GMPS: variants seen among roughly 807,000 people sequenced by gnomAD.
GMPS encodes the protein guanosine monophosphate synthase.
A neutral mutation model predicts 77.9 loss-of-function variants in GMPS; 15 were observed. The observed-to-expected ratio is 0.19, with a 90% CI of 0.13 to 0.30. GMPS has a LOEUF of 0.30. Ranked by LOEUF, GMPS falls within the 10% of genes least tolerant of loss-of-function variation. The pLI is 1.00. For missense variants in GMPS, 590 were observed against 838.8 expected, an observed-to-expected ratio of 0.70 and a Z score of 3.66; for synonymous variants, 224 against 275.9, an observed-to-expected ratio of 0.81 and a Z score of 1.86.
intron 12 of GMPS, among the ~76,000 whole-genome samples, chr3:155,928,884 G>C (rs201832009): frequency 4.9e-4 from 73 of 147,910 alleles, no homozygotes; most frequent in East Asian, 1.0e-3. Context: ...TTTTATGGCT[G>C]CATAGTATTC....
Position 155,940,736 on chromosome 3 carries a change from T to A in GMPS, c.*3044T>A. ...CAGGAGACAGAATGGAGAAGCTGGATAGTGTTTTTTTTTTTTTTTTTTAAG... is the reference window on the plus strand; with the variant it reads ...CAGGAGACAGAATGGAGAAGCTGGAAAGTGTTTTTTTTTTTTTTTTTTAAG... On this transcript the variant is annotated 3_prime_UTR_variant, in exon 16 of 16. Transcript: ENST00000496455. 1 of 188,448 alleles carries A rather than the reference T, an allele frequency of 5.3e-6. No individual in the cohort carries two copies. The highest frequency in any genetic ancestry group is 9.9e-6 in the Non-Finnish European group (1 of 101,454). The allele number at this position is 188,448 out of a possible 1,614,324, so 11.7% of individuals were successfully genotyped here.
intron 3 of GMPS, among the ~76,000 whole-genome samples, chr3:155,899,194 C>A (rs1754672459): frequency 6.6e-6 from 1 of 151,954 alleles, no homozygotes; most frequent in Non-Finnish European, 1.5e-5. Context: ...ATGGAGAAAC[C>A]CCCGTCTCTA....
At chr3:155,893,730 G>C (rs1754529262) in intron 2 of GMPS, 31 bp downstream of exon 2, 1 of 1,263,616 alleles carries the variant, frequency 7.9e-7, no homozygotes, top group African/African-American at 1.5e-5. Flanking sequence ...TTCATGAGGA[G>C]ATTGAACTTA....
At chr3:155,926,594 TAAA>T (rs895601406) in intron 12 of GMPS, among the ~76,000 whole-genome samples, 1 of 150,208 alleles carries the variant, frequency 6.7e-6, no homozygotes, top group African/African-American at 2.5e-5. Context: ...AAATAAAAAA[TAAA>T]AAAAAAGAAA....
chr3:155,899,072 AAT>A (rs1754669401), intron 3 of GMPS, among the ~76,000 whole-genome samples: 2 of 150,922 alleles, frequency 1.3e-5, no homozygotes, highest in South Asian at 4.2e-4. Context: ...CTCTATTAAA[AAT>A]AACAAAAGTT....
intron 12 of GMPS, among the ~76,000 whole-genome samples, chr3:155,925,790 G>A (rs1156396308): frequency 2.0e-5 from 3 of 152,054 alleles, no homozygotes; most frequent in African/African-American, 7.2e-5. Context: ...GAAATATACT[G>A]TGGTTTTAGA....
At chr3:155,932,277 A>AAC (rs10548751) in intron 13 of GMPS, among the ~76,000 whole-genome samples, 10,202 of 141,140 alleles carry the variant, frequency 0.072, 410 homozygotes, top group African/African-American at 0.12. Context: ...CAAATAAAGT[A>AAC]ACACACACAC....
intron 12 of GMPS, among the ~76,000 whole-genome samples, chr3:155,931,370 G>C (rs560488996): frequency 3.9e-4 from 59 of 151,672 alleles, no homozygotes; most frequent in African/African-American, 1.4e-3. Flanking sequence ...ATTTTTAGTA[G>C]AGATGGGGTT....
At chr3:155,911,083 G>C in intron 6 of GMPS, 31 bp from the exon 7 acceptor site, 1 of 1,535,628 alleles carries the variant, frequency 6.5e-7, no homozygotes, top group Non-Finnish European at 8.9e-7. Flanking sequence ...TGCTTGTTTT[G>C]CTCATTTTGA....
chr3:155,883,216 T>C (rs1385320322), intron 1 of GMPS, among the ~76,000 whole-genome samples: 1 of 152,016 alleles, frequency 6.6e-6, no homozygotes, highest in African/African-American at 2.4e-5. Context: ...AAACTGTAGG[T>C]GTGCGCCACC....
At chr3:155,913,597 C>T (rs888431351) in intron 7 of GMPS, among the ~76,000 whole-genome samples, 3 of 151,702 alleles carry the variant, frequency 2.0e-5, no homozygotes, top group African/African-American at 7.3e-5. Flanking sequence ...CCTCGGCTCA[C>T]TGCAACCTCT....
chr3:155,878,326 G>A (rs1426567120), intron 1 of GMPS, among the ~76,000 whole-genome samples: 1 of 152,190 alleles, frequency 6.6e-6, no homozygotes, highest in African/African-American at 2.4e-5. Flanking sequence ...CTTGTAGCAT[G>A]TATAAGTACT....
intron 12 of GMPS, among the ~76,000 whole-genome samples, chr3:155,925,728 G>A (rs536876121): frequency 6.6e-6 from 1 of 152,242 alleles, no homozygotes; most frequent in Admixed American, 6.5e-5. Context: ...GGGTTGGCAT[G>A]CTTACTTCTG....
chr3:155,926,454 A>G (rs937187150), intron 12 of GMPS, among the ~76,000 whole-genome samples: 32 of 152,202 alleles, frequency 2.1e-4, no homozygotes, highest in African/African-American at 7.2e-4. Context: ...CGAAAATGGT[A>G]TAAGTGCCAG....
chr3:155,906,187 G>T lies in GMPS; in HGVS notation c.450G>T (p.Leu150Phe). The T allele has an allele frequency of 1.2e-6, 2 of 1,605,932 alleles. No individual in the cohort carries two copies. The highest frequency in any genetic ancestry group is 2.2e-5 in the South Asian group (2 of 89,840). The stretch of plus-strand genomic sequence containing the variant: ...GCCTTCAGAAGGAAGAAGTTGTTTT[G>T]CTTACACATGGAGATAGTGTAGACA... ...FRGLQKEEVV[L>F]LTHGDSVDKV... The change falls in exon 5 of 16, where the codon TTG becomes TTT. Residue 150 changes from leucine (L) to phenylalanine (F), a missense_variant. By Grantham distance (22) the Leu-to-Phe change is conservative. Coordinates refer to ENST00000496455, the MANE Select transcript of GMPS (RefSeq NM_003875.3).
In GMPS at chr3:155,876,524, C is replaced by T. The variant is rs1413873886; in HGVS notation, c.27+5627C>T. On this transcript the variant is annotated intron_variant, in intron 1 of 15. Transcript: ENST00000496455. Reference sequence around the variant, plus strand: ...GATATAAGGTGAAAGTTTAACAAACCCGTCCTATTTTACTTTAAGGCAGTT... The same window carrying T: ...GATATAAGGTGAAAGTTTAACAAACTCGTCCTATTTTACTTTAAGGCAGTT... 2.6e-5 allele frequency among the ~76,000 whole-genome samples: 4 copies of T among 152,270 alleles called. No homozygotes were observed. In the South Asian group the frequency reaches 6.2e-4, roughly 24 times the overall value.
chr3:155,917,410 C>A (rs1288660653), intron 9 of GMPS, among the ~76,000 whole-genome samples: 1 of 151,866 alleles, frequency 6.6e-6, no homozygotes, highest in Non-Finnish European at 1.5e-5. Flanking sequence ...TTTTTCTGGC[C>A]CCCACCCTCT....
At chr3:155,937,554 G>A (rs1250184125) in intron 15 of GMPS, 37 bp from the exon 16 acceptor site, 4 of 892,660 alleles carry the variant, frequency 4.5e-6, no homozygotes, top group Non-Finnish European at 5.7e-6. Flanking sequence ...TGGACATGCA[G>A]TGGATGCTGA....
chr3:155,879,952 G>GT lies in GMPS; in HGVS notation c.27+9067dup, dbSNP rs61425510. 5.9e-3 allele frequency among the ~76,000 whole-genome samples: 865 copies of GT among 147,342 alleles called. 2 individuals are homozygous for GT. Among genetic ancestry groups the GT allele is most frequent in the South Asian group, 0.015 (71 of 4,690 alleles). On this transcript the variant is annotated intron_variant, in intron 1 of 15. Coordinates refer to ENST00000496455, the MANE Select transcript of GMPS (RefSeq NM_003875.3). The stretch of plus-strand genomic sequence containing the variant: ...TTTTCTTTTTTATTGAGTTTTAAGA[G>GT]TTTTTTTTTTTTAAGTCTAGAGATG...
Sources: gnomAD v4.1 joint callset for allele counts (sites outside exome capture counted in the v4.1 genomes callset) on GRCh38, gnomAD v4.1.1 for gene constraint, MANE v1.5 for transcripts, NCBI Gene and HGNC (gene_info 2026-07-23, HGNC 2026-07-21) for gene names.